SRPK2: variants seen among roughly 807,000 people sequenced by gnomAD.
SRPK2 encodes the protein SFRS protein kinase 2.
Under a neutral mutation model 90.8 loss-of-function variants are expected in SRPK2, and 21 were observed. The ratio of observed to expected loss-of-function variants is 0.23; its 90% CI spans 0.16 to 0.33. The LOEUF (loss-of-function observed/expected upper bound fraction) is 0.33. SRPK2 is among the 10% of genes least tolerant of loss of function. The pLI is 1.00. For missense variants in SRPK2, 620 were observed against 869.0 expected (o/e 0.71, Z 3.60); for synonymous variants, 288 against 311.1 (o/e 0.93, Z 0.78).
chr7:105,130,205 C>G (rs1300331228), intron 13 of SRPK2, among the ~76,000 whole-genome samples: 2 of 152,190 alleles, frequency 1.3e-5, no homozygotes, highest in African/African-American at 2.4e-5. Context: ...TGGCTACCAC[C>G]CGTCAGCTCT....
At chr7:105,197,093 T>TG (rs1459355909) in intron 3 of SRPK2, among the ~76,000 whole-genome samples, 2 of 151,490 alleles carry the variant, frequency 1.3e-5, no homozygotes, top group East Asian at 1.9e-4. Context: ...CTCGGAGGGT[T>TG]GGGGGGCAGG....
At chr7:105,320,490 A>T (rs1251586303) in intron 2 of SRPK2, among the ~76,000 whole-genome samples, 2 of 152,356 alleles carry the variant, frequency 1.3e-5, no homozygotes, top group Non-Finnish European at 2.9e-5. Flanking sequence ...ACATTTTCAG[A>T]AACAGCAACC....
chr7:105,313,788 C>A (rs1812002396), intron 2 of SRPK2, among the ~76,000 whole-genome samples: 1 of 151,750 alleles, frequency 6.6e-6, no homozygotes, highest in African/African-American at 2.4e-5. Context: ...GTTGGAGGGG[C>A]AGCAAGGTAC....
At chr7:105,170,906 A>AAAG (rs1790900380) in intron 3 of SRPK2, among the ~76,000 whole-genome samples, 6 of 112,086 alleles carry the variant, frequency 5.4e-5, no homozygotes, top group African/African-American at 7.0e-5. Flanking sequence ...AAAGAAAGAA[A>AAAG]GAAAGAAAGG....
intron 2 of SRPK2, among the ~76,000 whole-genome samples, chr7:105,267,340 A>T (rs1805227514): frequency 6.6e-6 from 1 of 152,164 alleles, no homozygotes; most frequent in Non-Finnish European, 1.5e-5. Flanking sequence ...TATTACTGTC[A>T]TCTCATTAAG....
chr7:105,335,407 C>G (rs1448888292), intron 2 of SRPK2, among the ~76,000 whole-genome samples: 1 of 152,078 alleles, frequency 6.6e-6, no homozygotes, highest in African/African-American at 2.4e-5. Flanking sequence ...CATCTGTAAT[C>G]CCAGCACTTT....
intron 2 of SRPK2, among the ~76,000 whole-genome samples, chr7:105,230,947 A>T (rs955806680): frequency 7.9e-5 from 12 of 152,196 alleles, no homozygotes; most frequent in African/African-American, 2.7e-4. Flanking sequence ...TGTGTTTTTT[A>T]TTTTAACTTT....
intron 2 of SRPK2, among the ~76,000 whole-genome samples, chr7:105,220,964 G>GA (rs1309226863): frequency 1.3e-5 from 2 of 151,968 alleles, no homozygotes; most frequent in African/African-American, 4.8e-5. Context: ...AGTAGAAAAT[G>GA]AAAAAATAAA....
At chr7:105,297,267 A>G (rs558799841) in intron 2 of SRPK2, among the ~76,000 whole-genome samples, 1 of 152,338 alleles carries the variant, frequency 6.6e-6, no homozygotes, top group East Asian at 1.9e-4. Context: ...TTGCCAATCA[A>G]AGACCTTTAG....
At chr7:105,191,538 A>G (rs1794280254) in intron 3 of SRPK2, among the ~76,000 whole-genome samples, 1 of 152,214 alleles carries the variant, frequency 6.6e-6, no homozygotes, top group South Asian at 2.1e-4. Context: ...AGCCTACGCA[A>G]TAGAATGAGA....
chr7:105,318,033 G>A (rs10235252), intron 2 of SRPK2, among the ~76,000 whole-genome samples: 25,464 of 151,846 alleles, frequency 0.17, 2,809 homozygotes, highest in East Asian at 0.58. Flanking sequence ...CTGGGATTAC[G>A]GGCATGAGCC....
At chr7:105,151,123 C>T (rs1184161956) in intron 7 of SRPK2, among the ~76,000 whole-genome samples, 1 of 152,148 alleles carries the variant, frequency 6.6e-6, no homozygotes, top group African/African-American at 2.4e-5. Context: ...GGCTATTGCA[C>T]TCAACTAGGC....
intron 2 of SRPK2, chr7:105,302,112 A>G: frequency 2.0e-6 from 3 of 1,522,352 alleles, no homozygotes; most frequent in South Asian, 1.1e-5. Context: ...ACAAGGAAAG[A>G]GCATTCTTTA....
intron 2 of SRPK2, among the ~76,000 whole-genome samples, chr7:105,300,757 A>G (rs1585611989): frequency 6.6e-6 from 1 of 152,230 alleles, no homozygotes; most frequent in South Asian, 2.1e-4. Context: ...TAGCAGACAC[A>G]TGAAAAAATG....
chr7:105,223,231 T>C (rs1244916379), intron 2 of SRPK2, among the ~76,000 whole-genome samples: 1 of 152,248 alleles, frequency 6.6e-6, no homozygotes, highest in African/African-American at 2.4e-5. Flanking sequence ...AAAGCTCAAC[T>C]GCAACTATTC....
chr7:105,238,673 C>T (rs886247204), intron 2 of SRPK2, among the ~76,000 whole-genome samples: 1 of 152,150 alleles, frequency 6.6e-6, no homozygotes, highest in African/African-American at 2.4e-5. Context: ...ATTTGGAACC[C>T]AGAAGCCTGA....
intron 2 of SRPK2, among the ~76,000 whole-genome samples, chr7:105,385,383 AGCC>A (rs1031970842): frequency 2.9e-4 from 44 of 150,642 alleles, no homozygotes; most frequent in African/African-American, 1.0e-3. Context: ...ACGGGGTGTT[AGCC>A]AGGATGGTCT....
intron 2 of SRPK2, among the ~76,000 whole-genome samples, chr7:105,271,250 C>T (rs1177689450): frequency 6.7e-6 from 1 of 148,968 alleles, no homozygotes; most frequent in Non-Finnish European, 1.5e-5. Context: ...TTAAATTACA[C>T]AGCTCTAACG....
At chr7:105,243,221 C>G (rs1432565255) in intron 2 of SRPK2, among the ~76,000 whole-genome samples, 4 of 152,150 alleles carry the variant, frequency 2.6e-5, no homozygotes, top group African/African-American at 9.7e-5. Flanking sequence ...CCAGGCTTGT[C>G]TTAAACTCCT....
Sources: allele counts gnomAD v4.1 joint callset (sites outside exome capture counted in the v4.1 genomes callset), GRCh38; gene constraint gnomAD v4.1.1; transcripts MANE v1.5; gene names NCBI Gene and HGNC (gene_info 2026-07-23, HGNC 2026-07-21).